ZC3H13: variants seen among roughly 807,000 people sequenced by gnomAD.
The protein encoded by ZC3H13 is zinc finger CCCH domain-containing protein 13.
ZC3H13 carries 64 observed loss-of-function variants against 204.1 expected under a neutral mutation model. That is an observed-to-expected ratio of 0.31 (90% CI 0.26 to 0.39). The LOEUF (loss-of-function observed/expected upper bound fraction) is 0.39, where lower values mean the gene tolerates loss of function less well. ZC3H13 is among the 10% of genes least tolerant of loss of function. The pLI is 1.00. For synonymous variants in ZC3H13, 667 were observed against 693.7 expected (o/e 0.96, Z 0.60); for missense variants, 1,833 against 2,082.7 (o/e 0.88, Z 2.33).
chr13:45,956,382 T>C lies in ZC3H13; in HGVS notation c.*745A>G, dbSNP rs1206141116. 6.6e-6 allele frequency: 1 copy of C among 152,160 alleles called. No homozygotes were observed. The highest frequency in any genetic ancestry group is 1.5e-5 in the Non-Finnish European group (1 of 68,000). The allele number at this position is 152,160 out of a possible 1,614,324, so 9.4% of individuals were successfully genotyped here. ...TATCTGAAGCATGAAACATGTAATGTTGATGACTAATGTTCTAGATCATCA... is the reference window on the plus strand; with the variant it reads ...TATCTGAAGCATGAAACATGTAATGCTGATGACTAATGTTCTAGATCATCA... On this transcript the variant is annotated 3_prime_UTR_variant, in exon 19 of 19. Coordinates refer to ENST00000679008, the MANE Select transcript of ZC3H13 (RefSeq NM_001330564.2).
chr13:46,041,384 G>C (rs976677286), intron 4 of ZC3H13, among the ~76,000 whole-genome samples: 2 of 152,110 alleles, frequency 1.3e-5, no homozygotes, highest in African/African-American at 4.8e-5. Flanking sequence ...TCTCTAGAGA[G>C]AGAAAGAGGA....
chr13:46,009,608 A>ATT (rs11432565), intron 7 of ZC3H13, among the ~76,000 whole-genome samples: 2 of 151,690 alleles, frequency 1.3e-5, no homozygotes, highest in Admixed American at 6.6e-5. Context: ...TTTTTAGTTC[A>ATT]TTTTTTTTAA....
intron 4 of ZC3H13, among the ~76,000 whole-genome samples, chr13:46,027,102 T>C (rs543144032): frequency 4.3e-4 from 65 of 152,160 alleles, no homozygotes; most frequent in African/African-American, 1.5e-3. Context: ...TATGAGGTGT[T>C]TTTTATTTTT....
rs768006923 is a variant in ZC3H13 at position 46,045,465 on chromosome 13, T to C, written c.43A>G (p.Thr15Ala). The C allele has an allele frequency of 1.1e-5, 17 of 1,614,134 alleles. No homozygotes were observed. The East Asian group carries it at 3.8e-4, about 36-fold the overall frequency. Reference protein sequence around the residue: ...RRKVTVENTKTISDSTSRRPS... With the variant: ...RRKVTVENTKAISDSTSRRPS... ...CTTCGGGATGTGCTATCAGATATAGTCTTGGTATTTTCCACTGTGACCTTC... is the reference window on the plus strand; with the variant it reads ...CTTCGGGATGTGCTATCAGATATAGCCTTGGTATTTTCCACTGTGACCTTC... The change falls in exon 2 of 19, where the codon ACT becomes GCT. Residue 15 changes from threonine to alanine, a missense_variant. Physicochemically the swap from Thr to Ala is moderately conservative, Grantham distance 58 (BLOSUM62 0). Coordinates refer to ENST00000679008, the MANE Select transcript of ZC3H13 (RefSeq NM_001330564.2).
At chr13:46,023,451 GC>G (rs1486152498) in intron 4 of ZC3H13, among the ~76,000 whole-genome samples, 1 of 152,070 alleles carries the variant, frequency 6.6e-6, no homozygotes, top group Admixed American at 6.6e-5. Flanking sequence ...TCACGTGCTA[GC>G]CCTTTCTTCA....
intron 7 of ZC3H13, among the ~76,000 whole-genome samples, chr13:46,006,084 C>A (rs9534278): frequency 0.74 from 107,596 of 145,318 alleles, 39,585 homozygotes; most frequent in African/African-American, 0.84. Flanking sequence ...GACTCTGTCC[C>A]AAAAAAAAAA....
intron 4 of ZC3H13, among the ~76,000 whole-genome samples, chr13:46,030,130 C>T (rs2042799995): frequency 6.6e-6 from 1 of 152,174 alleles, no homozygotes; most frequent in Non-Finnish European, 1.5e-5. Flanking sequence ...AGAAAACTCA[C>T]ATGATTATAT....
intron 9 of ZC3H13, among the ~76,000 whole-genome samples, chr13:45,988,409 C>T (rs1195717218): frequency 2.6e-5 from 4 of 152,142 alleles, no homozygotes; most frequent in Non-Finnish European, 4.4e-5. Flanking sequence ...AGGTGCATGC[C>T]ACCATGCCCA....
intron 15 of ZC3H13, among the ~76,000 whole-genome samples, chr13:45,966,660 G>A (rs1257471749): frequency 6.6e-6 from 1 of 152,084 alleles, no homozygotes; most frequent in Non-Finnish European, 1.5e-5. Context: ...TCCCAGGGTT[G>A]TACCTCCATC....
intron 4 of ZC3H13, among the ~76,000 whole-genome samples, chr13:46,039,536 G>A (rs1400119008): frequency 2.6e-5 from 4 of 152,074 alleles, no homozygotes; most frequent in African/African-American, 9.7e-5. Context: ...AATTCCTAAA[G>A]TAATATGCTC....
rs1952212909 is a variant in ZC3H13, at chr13:45,967,711, C to A, written c.4114G>T (p.Asp1372Tyr). ...TCAAAAGTTCTGTCTCTGTCTCTGT[C>A]CCTGTCCCTTTCAACAGAATCAGAA... ...LISDSVERDRDRDRDRTFESS... is the reference protein window; with the variant it reads ...LISDSVERDRYRDRDRTFESS... The change falls in exon 15 of 19, where the codon GAC (aspartate) becomes TAC (tyrosine). Residue 1372 changes from aspartate to tyrosine, a missense_variant. Transcript: ENST00000679008. 6.2e-7 allele frequency: 1 copy of A among 1,613,338 alleles called. No homozygotes were observed. The highest frequency in any genetic ancestry group is 8.5e-7 in the Non-Finnish European group (1 of 1,179,968).
chr13:46,007,402 C>G (rs1348990629), intron 7 of ZC3H13, among the ~76,000 whole-genome samples: 1 of 152,082 alleles, frequency 6.6e-6, no homozygotes, highest in East Asian at 1.9e-4. Flanking sequence ...CCTTGAAAAC[C>G]CAAGAAAGTG....
intron 18 of ZC3H13, among the ~76,000 whole-genome samples, chr13:45,959,160 C>G (rs1951498610): frequency 6.7e-6 from 1 of 150,308 alleles, no homozygotes; most frequent in Non-Finnish European, 1.5e-5. Flanking sequence ...CATAAATATC[C>G]TCATCACTCT....
intron 10 of ZC3H13, among the ~76,000 whole-genome samples, chr13:45,981,554 T>C (rs1040144522): frequency 2.6e-5 from 4 of 152,050 alleles, no homozygotes; most frequent in East Asian, 3.9e-4. Context: ...CCTGAGGAAT[T>C]GCCACACTGA....
In ZC3H13 at chr13:45,969,830, T is replaced by C. The variant is rs1247839633; in HGVS notation, c.2714A>G (p.Tyr905Cys). Reference sequence around the variant, plus strand: ...TTTCTCCTTGAGTTCCTGTTCTTCGTAGCGCCTTGAACTCTCTTTCCTTTC... The same window carrying C: ...TTTCTCCTTGAGTTCCTGTTCTTCGCAGCGCCTTGAACTCTCTTTCCTTTC... ...KPERKESSRR[Y>C]EEQELKEKVS... Residue 905 changes from tyrosine to cysteine, a missense_variant, in exon 14 of 19, where the codon TAC (tyrosine) becomes TGC (cysteine). By Grantham distance (194) the Tyr-to-Cys change is radical. Coordinates refer to ENST00000679008, the MANE Select transcript of ZC3H13 (RefSeq NM_001330564.2). 2 of 1,614,022 alleles carry C rather than the reference T, an allele frequency of 1.2e-6. No homozygotes were observed. The highest frequency in any genetic ancestry group is 2.2e-5 in the East Asian group (1 of 44,876).
At chr13:46,003,607 C>T (rs1209100224) in intron 7 of ZC3H13, among the ~76,000 whole-genome samples, 3 of 151,858 alleles carry the variant, frequency 2.0e-5, no homozygotes, top group Non-Finnish European at 2.9e-5. Flanking sequence ...AAGACACTTT[C>T]AGAAAAGATG....
chr13:46,001,618 C>G (rs181094340), intron 8 of ZC3H13, among the ~76,000 whole-genome samples: 88 of 152,292 alleles, frequency 5.8e-4, no homozygotes, highest in African/African-American at 2.0e-3. Flanking sequence ...TTCAACTCCT[C>G]ATAACACAAA....
At chr13:46,003,406 A>G in intron 7 of ZC3H13, 70 bp from the exon 8 acceptor site, 1 of 1,432,108 alleles carries the variant, frequency 7.0e-7, no homozygotes, top group South Asian at 1.3e-5. Flanking sequence ...AGCCTTCTTA[A>G]AAACAGCAGC....
chr13:46,024,655 C>T (rs1329254266), intron 4 of ZC3H13, among the ~76,000 whole-genome samples: 1 of 150,954 alleles, frequency 6.6e-6, no homozygotes, highest in Non-Finnish European at 1.5e-5. Context: ...CATCTCGTAT[C>T]TGTAGATTTG....
Sources: gnomAD v4.1 joint callset for allele counts (sites outside exome capture counted in the v4.1 genomes callset) on GRCh38, gnomAD v4.1.1 for gene constraint, MANE v1.5 for transcripts, NCBI Gene and HGNC (gene_info 2026-07-23, HGNC 2026-07-21) for gene names.